Variants in TACC3 observed in about 807,000 individuals in gnomAD.
TACC3 encodes the protein transforming acidic coiled-coil containing protein 3.
TACC3 carries 52 observed loss-of-function variants against 86.0 expected under a neutral mutation model. The observed-to-expected ratio is 0.60, with a 90% CI of 0.48 to 0.76. The LOEUF is 0.76. Ranked by LOEUF, TACC3 falls within the 30% of genes least tolerant of loss-of-function variation. TACC3 has a pLI of 0.00. For synonymous variants in TACC3, 512 were observed against 430.0 expected (o/e 1.19, Z -2.36); for missense variants, 1,120 against 1,070.4 (o/e 1.05, Z -0.65).
chr4:1,737,878 C>A, intron 10 of TACC3, 176 bp downstream of exon 10: 1 of 717,370 alleles, frequency 1.4e-6, no homozygotes, highest in South Asian at 1.5e-5. Context: ...GCCCAGGTCG[C>A]TGAGGGTCCA....
chr4:1,729,370 G>A (rs1717887784), intron 4 of TACC3, among the ~76,000 whole-genome samples: 1 of 152,068 alleles, frequency 6.6e-6, no homozygotes. Context: ...AAGACAGCTG[G>A]GCCCGGGGGA....
chr4:1,741,176 T>G (rs2108718765), intron 13 of TACC3, 190 bp downstream of exon 13: 1 of 520,676 alleles, frequency 1.9e-6, no homozygotes, highest in East Asian at 3.3e-5. Context: ...GCGAGGCAGC[T>G]GAGGGCGGCA....
chr4:1,725,100 T>G (rs2108683750), intron 3 of TACC3, among the ~76,000 whole-genome samples: 1 of 151,764 alleles, frequency 6.6e-6, no homozygotes, highest in South Asian at 2.1e-4. Flanking sequence ...CTGGCTAATT[T>G]TGTGTATTTT....
intron 1 of TACC3, among the ~76,000 whole-genome samples, chr4:1,722,259 C>T (rs978901304): frequency 1.3e-5 from 2 of 152,234 alleles, no homozygotes; most frequent in African/African-American, 4.8e-5. Context: ...CTCTCCCGAG[C>T]TCCTCCAGGC....
chr4:1,744,570 AG>A lies in TACC3; in HGVS notation c.2278del (p.Glu760ArgfsTer8). 6.2e-7 allele frequency: 1 copy of A among 1,613,262 alleles called. No individual in the cohort carries two copies. Among genetic ancestry groups the A allele is most frequent in the Non-Finnish European group, 8.5e-7 (1 of 1,179,990 alleles). ...GAGGATTACCTGGCAAGGATCACCC[AG>A]GAGGGCCAGAGGTACCAAGCCCTGA... ...CVEDYLARIT[Q>X]EGQRYQALKA... On this transcript the variant is annotated frameshift_variant, in exon 14 of 16. Transcript: ENST00000313288. LOFTEE classifies it high-confidence loss of function.
chr4:1,721,194 T>A (rs1717320048), upstream of TACC3: 1 of 182,822 alleles, frequency 5.5e-6, no homozygotes, highest in Non-Finnish European at 1.1e-5. Context: ...GCACCGCACC[T>A]GTGCATTGAG....
At chr4:1,740,207 G>A (rs1009229567) in intron 12 of TACC3, 36 of 606,210 alleles carry the variant, frequency 5.9e-5, no homozygotes, top group African/African-American at 1.3e-4. Context: ...TGGCTCCCAC[G>A]GAGCCAGGGC....
At position 1,724,756 on chromosome 4, in the gene TACC3, T is replaced by G. The variant is rs149314083; in HGVS notation, c.305+886T>G. ...TGATTTTCTGTTGGTTTTTTGCTGA[T>G]GTAACTGTTGTTGCTGTTGTTTTGA... On this transcript the variant is annotated intron_variant, in intron 3 of 15. Transcript: ENST00000313288. Among the ~76,000 whole-genome samples, 119 of 151,564 alleles carry G rather than the reference T, an allele frequency of 7.9e-4. 6 individuals are homozygous for G. In the East Asian group the frequency reaches 0.021, roughly 26 times the overall value.
rs1183018553 is a variant in TACC3 at position 1,730,933 on chromosome 4, G to A, written c.1432G>A (p.Ala478Thr). ...GGAGGACACGCCTGTGGTGCAGTTG[G>A]CAGCCGAGACCCCAACAGCAGAGAG... ...SAEDTPVVQL[A>T]AETPTAESKE... Residue 478 changes from alanine to threonine, a missense_variant, in exon 5 of 16, where the codon GCA (alanine) becomes ACA (threonine). Coordinates refer to ENST00000313288, the MANE Select transcript of TACC3 (RefSeq NM_006342.3). The A allele has an allele frequency of 3.1e-6, 5 of 1,613,328 alleles. No individual in the cohort carries two copies. Among genetic ancestry groups the A allele is most frequent in the Non-Finnish European group, 4.2e-6 (5 of 1,180,042 alleles).
At position 1,735,152 on chromosome 4, in the gene TACC3, A is replaced by G. The variant is rs1718189943; in HGVS notation, c.1592-121A>G. On this transcript the variant is annotated intron_variant, in intron 6 of 15. Transcript: ENST00000313288. The surrounding 1 kb of genome is among the most constrained non-coding windows in gnomAD (Gnocchi z 4.2). Reference sequence around the variant, plus strand: ...CAGGCCCCGAACATCCACACCTCCAAGGGAGGAAATACTGCTGGCTGGAAT... The same window carrying G: ...CAGGCCCCGAACATCCACACCTCCAGGGGAGGAAATACTGCTGGCTGGAAT... The G allele has an allele frequency of 3.7e-6, 5 of 1,369,188 alleles. No homozygotes were observed. Among genetic ancestry groups the G allele is most frequent in the African/African-American group, 1.4e-5 (1 of 69,744 alleles). The allele number at this position is 1,369,188 out of a possible 1,614,324, so 84.8% of individuals were successfully genotyped here. A position where few individuals can be genotyped will look rare whatever the true frequency, so the allele number is the denominator to read the frequency against.
intron 9 of TACC3, 135 bp downstream of exon 9, chr4:1,737,463 C>G (rs1013422311): frequency 9.0e-7 from 1 of 1,110,024 alleles, no homozygotes; most frequent in Admixed American, 2.2e-5. Flanking sequence ...TGTGCTGTTC[C>G]CTCGCCGCAC....
At chr4:1,732,185 G>A in intron 6 of TACC3, among the ~76,000 whole-genome samples, 1 of 152,118 alleles carries the variant, frequency 6.6e-6, no homozygotes, top group East Asian at 1.9e-4. Context: ...AATACGGCTT[G>A]TCCGTAAGAT....
At position 1,730,875 on chromosome 4, in the gene TACC3, C is replaced by G. The variant is rs1560305301; in HGVS notation, c.1386-12C>G. 1.2e-6 allele frequency: 2 copies of G among 1,612,764 alleles called. No homozygotes were observed. The highest frequency in any genetic ancestry group is 1.7e-6 in the Non-Finnish European group (2 of 1,179,912). On this transcript the variant is annotated splice_polypyrimidine_tract_variant and intron_variant, in intron 4 of 15. Coordinates refer to ENST00000313288, the MANE Select transcript of TACC3 (RefSeq NM_006342.3). Reference sequence around the variant, plus strand: ...TGGGGGGCATGGGCCTCTGCTGACTCTGTCTCCCCAGGCAGCTGCATTCAG... The same window carrying G: ...TGGGGGGCATGGGCCTCTGCTGACTGTGTCTCCCCAGGCAGCTGCATTCAG...
Position 1,728,713 on chromosome 4 carries a change from C to A in TACC3, c.1311C>A (p.Thr437=), listed in dbSNP as rs1344844045. 1.2e-6 allele frequency: 2 copies of A among 1,613,310 alleles called. No individual in the cohort carries two copies. The highest frequency in any genetic ancestry group is 2.7e-5 in the African/African-American group (2 of 74,948). Reference sequence around the variant, plus strand: ...CCCAGCCCCCAGAAAGCCCTGAGACCAGGCTGGGCCAGCCAGCGGCTGAAC... The same window carrying A: ...CCCAGCCCCCAGAAAGCCCTGAGACAAGGCTGGGCCAGCCAGCGGCTGAAC... ...SEAQPPESPE[T]RLGQPAAEQL... is the part of the protein sequence containing the mutation. The change falls in exon 4 of 16, where the codon ACC becomes ACA. Residue 437 remains threonine (T), a synonymous_variant. Coordinates refer to ENST00000313288, the MANE Select transcript of TACC3 (RefSeq NM_006342.3).
Position 1,744,579 on chromosome 4 carries a change from A to G in TACC3, c.2285A>G (p.Gln762Arg). The change falls in exon 14 of 16, where the codon CAG (glutamine) becomes CGG (arginine). Residue 762 changes from glutamine to arginine, a missense_variant. Coordinates refer to ENST00000313288, the MANE Select transcript of TACC3 (RefSeq NM_006342.3). ...DYLARITQEG[Q>R]RYQALKAHAE... ...CTGGCAAGGATCACCCAGGAGGGCC[A>G]GAGGTACCAAGCCCTGAAGGCCCAC... The G allele has an allele frequency of 6.2e-7, 1 of 1,613,284 alleles. No homozygotes were observed. Among genetic ancestry groups the G allele is most frequent in the Non-Finnish European group, 8.5e-7 (1 of 1,180,006 alleles).
At position 1,728,000 on chromosome 4, in the gene TACC3, G is replaced by A. The variant is rs777418506; in HGVS notation, c.598G>A (p.Glu200Lys). Residue 200 changes from glutamate to lysine, a missense_variant, in exon 4 of 16, where the codon GAG becomes AAG. Physicochemically the swap from Glu to Lys is moderately conservative, Grantham distance 56. Coordinates refer to ENST00000313288, the MANE Select transcript of TACC3 (RefSeq NM_006342.3). ...SLDRRVTPAS[E>K]TLEDPCRTES... ...AGACAGAAGAGTGACACCCGCCTCT[G>A]AGACCCTAGAAGACCCTTGCAGGAC... 6 of 1,613,188 alleles carry A rather than the reference G, an allele frequency of 3.7e-6. No homozygotes were observed. The highest frequency in any genetic ancestry group is 1.3e-5 in the African/African-American group (1 of 74,936).
At position 1,735,542 on chromosome 4, in the gene TACC3, C is replaced by G. The variant is rs1026816018; in HGVS notation, c.1645-189C>G. On this transcript the variant is annotated intron_variant, in intron 7 of 15. Coordinates refer to ENST00000313288, the MANE Select transcript of TACC3 (RefSeq NM_006342.3). This position sits in a 1 kb window ranked among gnomAD's most constrained non-coding sequence, Gnocchi z 4.2. ...CTAGGGCTCTCTACCTGGTGCCTAG[C>G]CCAGGATGAAACTCTGACACGCTGT... is the stretch of plus-strand genomic sequence containing the variant. 2.6e-5 allele frequency among the ~76,000 whole-genome samples: 4 copies of G among 152,042 alleles called. No individual in the cohort carries two copies. The East Asian group carries it at 7.7e-4, about 29-fold the overall frequency.
intron 8 of TACC3, among the ~76,000 whole-genome samples, chr4:1,736,724 C>T (rs988019263): frequency 6.6e-6 from 1 of 152,022 alleles, no homozygotes; most frequent in Non-Finnish European, 1.5e-5. Flanking sequence ...GCCTGGCCAA[C>T]ATAGTGAACC....
Position 1,728,047 on chromosome 4 carries a change from GA to G in TACC3, c.646del (p.Thr216LeufsTer99). ...CRTESQHKAE[T>X]PHGAEEECKA... is the part of the protein sequence containing the mutation. ...GGACAGAGTCCCAGCACAAAGCGGAGACTCCGCACGGAGCCGAGGAAGAATG... is the reference window on the plus strand; with the variant it reads ...GGACAGAGTCCCAGCACAAAGCGGAGCTCCGCACGGAGCCGAGGAAGAATG... On this transcript the variant is annotated frameshift_variant, in exon 4 of 16. Coordinates refer to ENST00000313288, the MANE Select transcript of TACC3 (RefSeq NM_006342.3). LOFTEE classifies it high-confidence loss of function. 1 of 1,542,380 alleles carries G rather than the reference GA, an allele frequency of 6.5e-7. No homozygotes were observed. Among genetic ancestry groups the G allele is most frequent in the African/African-American group, 1.5e-5 (1 of 66,614 alleles).
Sources: allele counts gnomAD v4.1 joint callset (sites outside exome capture counted in the v4.1 genomes callset), GRCh38; gene constraint gnomAD v4.1.1; non-coding constraint Gnocchi (gnomAD v3.1); transcripts MANE v1.5; gene names NCBI Gene and HGNC (gene_info 2026-07-23, HGNC 2026-07-21).